Variants in PIBF1 observed in about 807,000 individuals in gnomAD.
PIBF1 encodes progesterone-induced-blocking factor 1.
In PIBF1, 90 loss-of-function variants were observed where a neutral mutation model predicts 112.5. The ratio of observed to expected loss-of-function variants is 0.80; its 90% CI spans 0.67 to 0.95. The LOEUF is 0.95. Ranked by LOEUF, PIBF1 falls within the 40% of genes least tolerant of loss-of-function variation. The probability of loss-of-function intolerance (pLI) is 0.00; values close to 1 mark genes in which losing one functional copy is unlikely to be tolerated. For missense variants in PIBF1, 915 were observed against 852.3 expected, an observed-to-expected ratio of 1.07 and a Z score of -0.92; for synonymous variants, 301 against 288.6, an observed-to-expected ratio of 1.04 and a Z score of -0.44.
intron 14 of PIBF1, among the ~76,000 whole-genome samples, chr13:72,959,278 G>A (rs896393743): frequency 6.6e-6 from 1 of 152,150 alleles, no homozygotes; most frequent in African/African-American, 2.4e-5. Flanking sequence ...TTACAGGCAT[G>A]AGCCACCACG....
intron 11 of PIBF1, among the ~76,000 whole-genome samples, chr13:72,896,939 G>A (rs953044271): frequency 6.6e-6 from 1 of 152,176 alleles, no homozygotes; most frequent in Non-Finnish European, 1.5e-5. Context: ...AATACGAGAA[G>A]CACCAAGAAC....
At chr13:72,988,047 G>T (rs1186871004) in intron 16 of PIBF1, among the ~76,000 whole-genome samples, 3 of 150,752 alleles carry the variant, frequency 2.0e-5, no homozygotes, top group Non-Finnish European at 4.4e-5. Flanking sequence ...ATTTTTAGTA[G>T]AGACGGGGTT....
At chr13:72,965,515 T>C (rs2138913595) in intron 15 of PIBF1, 111 bp downstream of exon 15, 1 of 784,226 alleles carries the variant, frequency 1.3e-6, no homozygotes, top group Non-Finnish European at 2.0e-6. Context: ...ATAATGAAGG[T>C]GTCTTAAATG....
chr13:72,846,640 T>G (rs927394916), intron 9 of PIBF1, among the ~76,000 whole-genome samples: 3 of 152,192 alleles, frequency 2.0e-5, no homozygotes, highest in African/African-American at 7.2e-5. Flanking sequence ...TCCTGTTCTT[T>G]TACCTGTAGG....
chr13:72,794,408 A>G (rs542598973), intron 3 of PIBF1, among the ~76,000 whole-genome samples: 11 of 152,256 alleles, frequency 7.2e-5, no homozygotes. Context: ...GTAAGATTGA[A>G]ATAACAGCAT....
chr13:72,853,335 C>T (rs1238098990), intron 9 of PIBF1, among the ~76,000 whole-genome samples: 1 of 152,154 alleles, frequency 6.6e-6, no homozygotes, highest in Non-Finnish European at 1.5e-5. Flanking sequence ...TTGAGCCCTA[C>T]ATGAATATTG....
At chr13:72,875,577 T>C (rs753014426) in intron 10 of PIBF1, among the ~76,000 whole-genome samples, 1 of 152,212 alleles carries the variant, frequency 6.6e-6, no homozygotes, top group Non-Finnish European at 1.5e-5. Flanking sequence ...GAATTCCTGT[T>C]ACTCCATATC....
At chr13:72,900,509 C>A (rs2040445589) in intron 11 of PIBF1, among the ~76,000 whole-genome samples, 1 of 152,168 alleles carries the variant, frequency 6.6e-6, no homozygotes, top group African/African-American at 2.4e-5. Flanking sequence ...AAAGGACACC[C>A]TTTTCAATAA....
In PIBF1 at chr13:72,825,380, A is replaced by G. The variant is rs139553501; in HGVS notation, c.807-1630A>G. On this transcript the variant is annotated intron_variant, in intron 6 of 17. Coordinates refer to ENST00000326291, the MANE Select transcript of PIBF1 (RefSeq NM_006346.4). ...AGGGACCTAATGTCTCAGTTGAGGA[A>G]ACAAATGCACATGTATGAGTATGTG... is the stretch of plus-strand genomic sequence containing the variant. Among the ~76,000 whole-genome samples the G allele has an allele frequency of 2.0e-5, 3 of 152,356 alleles. No homozygotes were observed. The East Asian group carries it at 5.8e-4, about 29-fold the overall frequency.
chr13:72,995,557 T>C (rs1348963660), intron 16 of PIBF1, among the ~76,000 whole-genome samples: 3 of 152,106 alleles, frequency 2.0e-5, no homozygotes, highest in Admixed American at 6.5e-5. Context: ...CAGTACATGA[T>C]GTTGTTATAG....
At chr13:72,841,146 A>G (rs2037592212) in intron 9 of PIBF1, among the ~76,000 whole-genome samples, 1 of 152,212 alleles carries the variant, frequency 6.6e-6, no homozygotes, top group East Asian at 1.9e-4. Flanking sequence ...TATAATATGT[A>G]TGTATGCTTT....
intron 14 of PIBF1, among the ~76,000 whole-genome samples, chr13:72,936,692 A>C (rs904265193): frequency 6.6e-6 from 1 of 152,054 alleles, no homozygotes; most frequent in Non-Finnish European, 1.5e-5. Context: ...CTGTAGCTTT[A>C]TAATATCTGG....
chr13:72,938,389 A>G (rs966012489), intron 14 of PIBF1, among the ~76,000 whole-genome samples: 1 of 152,006 alleles, frequency 6.6e-6, no homozygotes, highest in Non-Finnish European at 1.5e-5. Context: ...CCCACAAGCA[A>G]TAATGTGCTC....
intron 15 of PIBF1, among the ~76,000 whole-genome samples, chr13:72,971,741 G>A (rs531599060): frequency 4.6e-4 from 70 of 152,116 alleles, no homozygotes; most frequent in African/African-American, 1.7e-3. Flanking sequence ...GGTTCAGTGG[G>A]GTGGTATGTG....
intron 14 of PIBF1, among the ~76,000 whole-genome samples, chr13:72,933,478 A>G (rs920533956): frequency 3.3e-5 from 5 of 152,216 alleles, no homozygotes; most frequent in African/African-American, 1.2e-4. Context: ...CCTGGCCAAC[A>G]TGGTGGAACC....
At chr13:72,877,462 T>C (rs2039456318) in intron 10 of PIBF1, among the ~76,000 whole-genome samples, 6 of 152,202 alleles carry the variant, frequency 3.9e-5, no homozygotes. Flanking sequence ...ACTGGTATAC[T>C]TTCTTCCTTA....
intron 10 of PIBF1, among the ~76,000 whole-genome samples, chr13:72,860,942 G>A (rs2038667825): frequency 6.6e-6 from 1 of 152,094 alleles, no homozygotes; most frequent in African/African-American, 2.4e-5. Flanking sequence ...TTGAATCCCT[G>A]CATGTACTCC....
chr13:72,903,712 AG>A (rs1364567538), intron 11 of PIBF1, among the ~76,000 whole-genome samples: 1 of 152,190 alleles, frequency 6.6e-6, no homozygotes, highest in Non-Finnish European at 1.5e-5. Context: ...AGGCAGTGGT[AG>A]GATTTGAAAA....
chr13:73,000,965 A>T lies in PIBF1; in HGVS notation c.2223+1970A>T, dbSNP rs909342286. Among the ~76,000 whole-genome samples the T allele has an allele frequency of 9.9e-5, 15 of 152,230 alleles. No individual in the cohort carries two copies. In the East Asian group the frequency reaches 2.7e-3, roughly 27 times the overall value. ...TTATTCTACAATAAAATTCTTTTTA[A>T]ATAATAATAAGGGAAATTTTTTTCA... On this transcript the variant is annotated intron_variant, in intron 17 of 17. Transcript: ENST00000326291.
Sources: gnomAD v4.1 joint callset for allele counts (sites outside exome capture counted in the v4.1 genomes callset) on GRCh38, gnomAD v4.1.1 for gene constraint, MANE v1.5 for transcripts, NCBI Gene and HGNC (gene_info 2026-07-23, HGNC 2026-07-21) for gene names.